Variants in SLC9C1 observed in about 807,000 individuals in gnomAD.
The protein encoded by SLC9C1 is sodium/hydrogen exchanger 10.
A neutral mutation model predicts 140.9 loss-of-function variants in SLC9C1; 97 were observed. The observed-to-expected ratio is 0.69, with a 90% CI of 0.58 to 0.82. The LOEUF is 0.82. Ranked by LOEUF, SLC9C1 falls within the 40% of genes least tolerant of loss-of-function variation. The probability of loss-of-function intolerance (pLI) is 0.00; values close to 1 mark genes in which losing one functional copy is unlikely to be tolerated. For synonymous variants in SLC9C1, 440 were observed against 442.6 expected (o/e 0.99, Z 0.07); for missense variants, 1,340 against 1,389.3 (o/e 0.96, Z 0.56).
rs552521285 is a variant in SLC9C1 at position 112,166,857 on chromosome 3, C to G, written c.3364+364G>C. Among the ~76,000 whole-genome samples the G allele has an allele frequency of 1.1e-4, 16 of 152,102 alleles. No homozygotes were observed. The South Asian group carries it at 3.3e-3, about 32-fold the overall frequency. ...TCTGTAAGAAGAATAGGCTTTATAT[C>G]AAAATTATTCATCTAGTTCCAGTGA... On this transcript the variant is annotated intron_variant, in intron 26 of 28. Transcript: ENST00000305815.
chr3:112,222,583 A>G (rs1453160265), intron 13 of SLC9C1, among the ~76,000 whole-genome samples: 1 of 152,172 alleles, frequency 6.6e-6, no homozygotes, highest in African/African-American at 2.4e-5. Context: ...CAGTCACCAT[A>G]AGTTTCCTCT....
chr3:112,225,198 C>T (rs1316403221), intron 13 of SLC9C1, among the ~76,000 whole-genome samples: 2 of 152,086 alleles, frequency 1.3e-5, no homozygotes, highest in African/African-American at 4.8e-5. Flanking sequence ...TCAGCAGAAA[C>T]TTTATAGGCC....
chr3:112,287,413 A>C (rs1456544139), intron 1 of SLC9C1, among the ~76,000 whole-genome samples: 1 of 152,250 alleles, frequency 6.6e-6, no homozygotes, highest in African/African-American at 2.4e-5. Flanking sequence ...CATTTGGGAC[A>C]CTGACAGACC....
chr3:112,221,176 A>ACAG lies in SLC9C1; in HGVS notation c.1619_1621dup (p.Ala540dup), dbSNP rs769191287. ...TTCTGCTGCACCAACCAACACCTGG[A>ACAG]CAGCACTCTGGGACAGAATCTCATT... On this transcript the variant is annotated inframe_insertion, in exon 14 of 29. Transcript: ENST00000305815. The ACAG allele has an allele frequency of 4.3e-6, 7 of 1,613,688 alleles. No homozygotes were observed. The African/African-American group carries it at 8.0e-5, about 18-fold the overall frequency.
chr3:112,235,937 T>A (rs1012435145), intron 12 of SLC9C1, among the ~76,000 whole-genome samples: 1 of 152,164 alleles, frequency 6.6e-6, no homozygotes, highest in African/African-American at 2.4e-5. Context: ...TCTTGTTTTT[T>A]GTTGTGTCTC....
chr3:112,219,349 G>A (rs1004762108), intron 14 of SLC9C1, among the ~76,000 whole-genome samples: 2 of 152,088 alleles, frequency 1.3e-5, no homozygotes, highest in African/African-American at 4.8e-5. Flanking sequence ...AGTTCTCCAG[G>A]GGCTGGAATA....
At chr3:112,251,073 T>C (rs1233038955) in intron 10 of SLC9C1, among the ~76,000 whole-genome samples, 2 of 151,928 alleles carry the variant, frequency 1.3e-5, no homozygotes, top group African/African-American at 2.4e-5. Context: ...AAGAACAAGA[T>C]TGGGAAACTG....
At chr3:112,152,372 G>C (rs935831136) in intron 27 of SLC9C1, among the ~76,000 whole-genome samples, 2 of 152,126 alleles carry the variant, frequency 1.3e-5, no homozygotes, top group African/African-American at 4.8e-5. Context: ...CAAACATCTC[G>C]GTGCAGTAAA....
intron 5 of SLC9C1, among the ~76,000 whole-genome samples, chr3:112,276,234 A>G (rs1020954698): frequency 1.4e-4 from 21 of 152,234 alleles, no homozygotes; most frequent in African/African-American, 4.8e-4. Context: ...TAGAAAATGG[A>G]AGTATGGAAA....
intron 27 of SLC9C1, among the ~76,000 whole-genome samples, chr3:112,153,483 C>CAGCT (rs1170527362): frequency 2.6e-5 from 4 of 152,078 alleles, no homozygotes; most frequent in African/African-American, 9.7e-5. Context: ...CCTTCAGGAG[C>CAGCT]AGCTGTGTTT....
intron 10 of SLC9C1, among the ~76,000 whole-genome samples, chr3:112,255,586 G>T (rs1260336114): frequency 6.6e-6 from 1 of 152,098 alleles, no homozygotes; most frequent in African/African-American, 2.4e-5. Flanking sequence ...CTAAGGCAAT[G>T]TCAAGAGAGA....
chr3:112,164,298 A>C (rs2075398160), intron 26 of SLC9C1, among the ~76,000 whole-genome samples: 1 of 146,760 alleles, frequency 6.8e-6, no homozygotes, highest in Non-Finnish European at 1.5e-5. Context: ...GTTTTGTGTG[A>C]ATTTGATCCT....
Position 112,167,221 on chromosome 3 carries a change from C to G in SLC9C1, c.3364G>C (p.Gly1122Arg). The G allele has an allele frequency of 6.2e-7, 1 of 1,606,048 alleles. No homozygotes were observed. The change falls in exon 26 of 29, where the codon GGT becomes CGT. Residue 1122 changes from glycine (G) to arginine (R), a missense_variant and splice_region_variant. Gly to Arg is a moderately radical substitution (Grantham distance 125). Coordinates refer to ENST00000305815, the MANE Select transcript of SLC9C1 (RefSeq NM_183061.3). ...AATTGCTGAAAGAAGTCTAACTCAC[C>G]TATTAATCCTGGTGTAAGATAACTT... is the stretch of plus-strand genomic sequence containing the variant. Reference protein sequence around the residue: ...HKSYLTPGLIGSVGTLEEGIQ... With the variant: ...HKSYLTPGLIRSVGTLEEGIQ...
intron 8 of SLC9C1, among the ~76,000 whole-genome samples, chr3:112,265,915 T>A (rs2079905496): frequency 6.6e-6 from 1 of 152,106 alleles, no homozygotes; most frequent in South Asian, 2.1e-4. Flanking sequence ...AAATATTACT[T>A]CTCAATTACT....
chr3:112,226,500 T>A (rs940542738), intron 13 of SLC9C1, among the ~76,000 whole-genome samples: 4 of 152,160 alleles, frequency 2.6e-5, no homozygotes, highest in Non-Finnish European at 4.4e-5. Flanking sequence ...GGTGTGCAGA[T>A]CACTTGAGGT....
intron 13 of SLC9C1, among the ~76,000 whole-genome samples, chr3:112,221,783 A>G (rs567129099): frequency 6.6e-6 from 1 of 152,256 alleles, no homozygotes; most frequent in East Asian, 1.9e-4. Flanking sequence ...TCTTCATTCA[A>G]TACATATATA....
In SLC9C1 at chr3:112,235,224, C is replaced by G. The variant is rs577482011; in HGVS notation, c.1447-3738G>C. 2.0e-4 allele frequency among the ~76,000 whole-genome samples: 20 copies of G among 99,570 alleles called. 4 individuals are homozygous for G. The South Asian group carries it at 7.4e-3, about 37-fold the overall frequency. The allele number at this position is 99,570 out of a possible 152,430, so 65.3% of individuals were successfully genotyped here. A position where few individuals can be genotyped will look rare whatever the true frequency, so the allele number is the denominator to read the frequency against. The stretch of plus-strand genomic sequence containing the variant: ...AAGTTGGATTCCTGGGTATTTTATT[C>G]TCTTTGAAGCAATTGTGAATGGGAG... On this transcript the variant is annotated intron_variant, in intron 12 of 28. Coordinates refer to ENST00000305815, the MANE Select transcript of SLC9C1 (RefSeq NM_183061.3).
At chr3:112,147,404 T>G in intron 28 of SLC9C1, 1 of 271,358 alleles carries the variant, frequency 3.7e-6, no homozygotes, top group Non-Finnish European at 7.5e-6. Context: ...CATGGGTGAG[T>G]TTTTGTGGTA....
At position 112,278,803 on chromosome 3, in the gene SLC9C1, T is replaced by G; in HGVS notation, c.244A>C (p.Ile82Leu). Residue 82 changes from isoleucine (I) to leucine (L), a missense_variant, in exon 4 of 29, where the codon ATA (isoleucine) becomes CTA (leucine). Coordinates refer to ENST00000305815, the MANE Select transcript of SLC9C1 (RefSeq NM_183061.3). ...GTAAAGAAAACTACTGGTGTAAATA[T>G]ACGAAAAAATAAGTCTGGACTCATC... The part of the protein sequence containing the change: ...QWMSPDLFFR[I>L]FTPVVFFTTA... The G allele has an allele frequency of 1.2e-6, 2 of 1,611,098 alleles. No homozygotes were observed. Among genetic ancestry groups the G allele is most frequent in the Non-Finnish European group, 1.7e-6 (2 of 1,178,738 alleles).
Sources: allele counts gnomAD v4.1 joint callset (sites outside exome capture counted in the v4.1 genomes callset), GRCh38; gene constraint gnomAD v4.1.1; transcripts MANE v1.5; gene names NCBI Gene and HGNC (gene_info 2026-07-23, HGNC 2026-07-21).